ABI2: variants seen among roughly 807,000 people sequenced by gnomAD.
ABI2 encodes the protein abl interactor 2, also known as abelson interactor 2.
ABI2 carries 25 observed loss-of-function variants against 59.2 expected under a neutral mutation model. The observed-to-expected ratio is 0.42, with a 90% CI of 0.31 to 0.59. The LOEUF (loss-of-function observed/expected upper bound fraction) is 0.59. ABI2 is among the 20% of genes least tolerant of loss of function. The pLI is 0.14. For synonymous variants in ABI2, 213 were observed against 235.5 expected (o/e 0.90, Z 0.87); for missense variants, 545 against 681.8 (o/e 0.80, Z 2.23).
intron 4 of ABI2, among the ~76,000 whole-genome samples, chr2:203,387,056 C>CTTTTTT (rs35497226): frequency 8.6e-6 from 1 of 116,532 alleles, no homozygotes; most frequent in Non-Finnish European, 1.7e-5. Context: ...GGCTCCCTTC[C>CTTTTTT]TTTTTTTTTT....
chr2:203,394,879 G>A lies in ABI2; in HGVS notation c.725+33G>A, dbSNP rs376492783. 5.6e-6 allele frequency: 9 copies of A among 1,608,354 alleles called. No individual in the cohort carries two copies. In the African/African-American group the frequency reaches 1.2e-4, roughly 21 times the overall value. On this transcript the variant is annotated intron_variant, in intron 6 of 11. Coordinates refer to ENST00000261018, the MANE Select transcript of ABI2 (RefSeq NM_001375670.1). ...CTCTACCTCAGTGCAAAATGTGATG[G>A]TCATAGTACCATAATCTGTTCAGAT... is the stretch of plus-strand genomic sequence containing the variant.
chr2:203,426,195 C>G (rs2098421341), intron 11 of ABI2, among the ~76,000 whole-genome samples: 1 of 152,020 alleles, frequency 6.6e-6, no homozygotes, highest in Non-Finnish European at 1.5e-5. Flanking sequence ...ATGTGAGGCA[C>G]AAGGTTGCAT....
chr2:203,333,094 G>A (rs2074666004), intron 1 of ABI2, among the ~76,000 whole-genome samples: 1 of 151,910 alleles, frequency 6.6e-6, no homozygotes, highest in Admixed American at 6.6e-5. Context: ...GGTTTACAAG[G>A]GAATATTATC....
At position 203,396,891 on chromosome 2, in the gene ABI2, T is replaced by G. The variant is rs1325963379; in HGVS notation, c.957T>G (p.Ala319=). The G allele has an allele frequency of 6.5e-6, 10 of 1,534,128 alleles. No homozygotes were observed. In the East Asian group the frequency reaches 2.5e-4, roughly 38 times the overall value. ...TVPSSTAPDA[A]AGGAQTLADG... is the part of the protein sequence containing the mutation. ...CTTCCTCCACTGCCCCAGACGCTGC[T>G]GCTGGGGGTGCCCAGACCCTTGCTG... is the stretch of plus-strand genomic sequence containing the variant. Residue 319 remains alanine (A), a synonymous_variant, in exon 8 of 12, where the codon GCT becomes GCG. Transcript: ENST00000261018.
rs143874517 is a variant in ABI2 at position 203,379,519 on chromosome 2, C to CT, written c.286-688dup. Among the ~76,000 whole-genome samples the CT allele has an allele frequency of 4.9e-4, 75 of 152,244 alleles. No homozygotes were observed. The East Asian group carries it at 0.014, about 29-fold the overall frequency. Reference sequence around the variant, plus strand: ...CTCCCAAAGTGCTTGGATTACGGGCCTGAGCCACTGTGCCTGGCTTTATTT... The same window carrying CT: ...CTCCCAAAGTGCTTGGATTACGGGCCTTGAGCCACTGTGCCTGGCTTTATTT... On this transcript the variant is annotated intron_variant, in intron 2 of 11. Transcript: ENST00000261018.
intron 1 of ABI2, among the ~76,000 whole-genome samples, chr2:203,362,613 G>T (rs1405964853): frequency 6.6e-6 from 1 of 151,830 alleles, no homozygotes. Flanking sequence ...TGCAACCTCT[G>T]TCTCCTGGGT....
At chr2:203,378,091 T>A (rs2095829737) in intron 2 of ABI2, among the ~76,000 whole-genome samples, 1 of 151,832 alleles carries the variant, frequency 6.6e-6, no homozygotes. Flanking sequence ...GAGATTATTT[T>A]TTTTCTTTTT....
intron 1 of ABI2, among the ~76,000 whole-genome samples, chr2:203,334,957 G>A (rs2075781511): frequency 6.6e-6 from 1 of 152,156 alleles, no homozygotes; most frequent in Admixed American, 6.6e-5. Flanking sequence ...ACCGTGCCTG[G>A]CCTAGTTGTA....
chr2:203,342,457 C>T (rs1475343505), intron 1 of ABI2, among the ~76,000 whole-genome samples: 2 of 152,060 alleles, frequency 1.3e-5, no homozygotes, highest in Non-Finnish European at 2.9e-5. Flanking sequence ...TAGGGGAAGC[C>T]AACAAGGGAT....
chr2:203,333,670 A>C (rs181660216), intron 1 of ABI2, among the ~76,000 whole-genome samples: 4 of 152,326 alleles, frequency 2.6e-5, no homozygotes, highest in African/African-American at 9.6e-5. Context: ...TTCAGTGACA[A>C]ATCAGTCATC....
rs1357356693 is a variant in ABI2, at chr2:203,416,960, G to T, written c.1332G>T (p.Glu444Asp). Reference protein sequence around the residue: ...PPPVEEPVFDESPPPPPPPED... With the variant: ...PPPVEEPVFDDSPPPPPPPED... ...CTGTGGAAGAACCAGTCTTTGATGA[G>T]TCTCCCCCACCTCCTCCTCCTCCAG... Residue 444 changes from glutamate to aspartate, a missense_variant, in exon 11 of 12, where the codon GAG becomes GAT. Glu to Asp is a conservative substitution (Grantham distance 45). This residue lies in a region of ABI2 where 410 missense variants were observed against 435.6 expected (regional missense o/e 0.94). Coordinates refer to ENST00000261018, the MANE Select transcript of ABI2 (RefSeq NM_001375670.1). 1 of 1,613,962 alleles carries T rather than the reference G, an allele frequency of 6.2e-7. No homozygotes were observed. Among genetic ancestry groups the T allele is most frequent in the Non-Finnish European group, 8.5e-7 (1 of 1,179,994 alleles).
chr2:203,360,830 C>T (rs549873248), intron 1 of ABI2, among the ~76,000 whole-genome samples: 1 of 152,206 alleles, frequency 6.6e-6, no homozygotes, highest in Admixed American at 6.5e-5. Flanking sequence ...ATTGACTCAA[C>T]ACAAGGTTAA....
chr2:203,352,985 A>G (rs1442605543), intron 1 of ABI2, among the ~76,000 whole-genome samples: 2 of 151,822 alleles, frequency 1.3e-5, no homozygotes, highest in Non-Finnish European at 2.9e-5. Context: ...GTCGTGTAGG[A>G]GCAGTAGGCT....
chr2:203,345,557 C>T (rs1459431163), intron 1 of ABI2, among the ~76,000 whole-genome samples: 1 of 152,080 alleles, frequency 6.6e-6, no homozygotes, highest in African/African-American at 2.4e-5. Flanking sequence ...ACAACAGGTG[C>T]CCGCCACCAT....
intron 9 of ABI2, among the ~76,000 whole-genome samples, chr2:203,407,513 A>T (rs1297648947): frequency 6.6e-6 from 1 of 152,256 alleles, no homozygotes; most frequent in Non-Finnish European, 1.5e-5. Context: ...GACATCTAAA[A>T]TACAAGCTTC....
intron 5 of ABI2, among the ~76,000 whole-genome samples, chr2:203,391,610 C>T (rs2096743145): frequency 6.6e-6 from 1 of 151,980 alleles, no homozygotes; most frequent in Non-Finnish European, 1.5e-5. Flanking sequence ...CACTTGAGCC[C>T]AGGAGTTTAA....
rs755024902 is a variant in ABI2 at position 203,394,705 on chromosome 2, A to C, written c.584A>C (p.His195Pro). The change falls in exon 6 of 12, where the codon CAC becomes CCC. Residue 195 changes from histidine to proline, a missense_variant. His to Pro is a moderately conservative substitution (Grantham distance 77, BLOSUM62 -2). This residue lies in a region of ABI2 where 410 missense variants were observed against 435.6 expected (regional missense o/e 0.94). Coordinates refer to ENST00000261018, the MANE Select transcript of ABI2 (RefSeq NM_001375670.1). ...ATACGCTCTTCTTTTTGTAGGCGGC[A>C]CTCCCCCTATCGCACACTGGAGCCA... is the stretch of plus-strand genomic sequence containing the variant. ...PMSGKGTLGR[H>P]SPYRTLEPVR... The C allele has an allele frequency of 1.2e-6, 2 of 1,613,342 alleles. No individual in the cohort carries two copies. The highest frequency in any genetic ancestry group is 8.5e-7 in the Non-Finnish European group (1 of 1,179,806).
intron 4 of ABI2, among the ~76,000 whole-genome samples, chr2:203,383,813 A>T (rs2096283262): frequency 6.6e-6 from 1 of 152,214 alleles, no homozygotes. Flanking sequence ...AGCTGATTAA[A>T]TGTTCAAAAT....
At chr2:203,370,063 T>C (rs2094969396) in intron 2 of ABI2, among the ~76,000 whole-genome samples, 1 of 152,188 alleles carries the variant, frequency 6.6e-6, no homozygotes, top group Non-Finnish European at 1.5e-5. Context: ...GTAAATACTC[T>C]AAAATAGGGG....
Sources: gnomAD v4.1 joint callset for allele counts (sites outside exome capture counted in the v4.1 genomes callset) on GRCh38, gnomAD v4.1.1 for gene constraint, gnomAD v4.1.1 regional missense constraint, MANE v1.5 for transcripts, NCBI Gene and HGNC (gene_info 2026-07-23, HGNC 2026-07-21) for gene names.